The following RAI2 variants were observed in gnomAD, a reference collection of about 807,000 sequenced individuals.
The protein encoded by RAI2 is retinoic acid induced 2.
A neutral mutation model predicts 15.3 loss-of-function variants in RAI2; 5 were observed. That is an observed-to-expected ratio of 0.33 (90% CI 0.17 to 0.69). RAI2 has a LOEUF of 0.69. Among genes scored for constraint, RAI2 ranks in the 30% least tolerant of loss-of-function variants. The probability of loss-of-function intolerance (pLI) is 0.69; values close to 1 mark genes in which losing one functional copy is unlikely to be tolerated. For synonymous variants in RAI2, 191 were observed against 184.0 expected, an observed-to-expected ratio of 1.04 and a Z score of -0.31; for missense variants, 424 against 424.7, an observed-to-expected ratio of 1.00 and a Z score of 0.01.
intron 1 of RAI2, among the ~76,000 whole-genome samples, chrX:17,815,321 G>A (rs1035801174): frequency 1.4e-4 from 8 of 58,010 alleles, no homozygotes; most frequent in Admixed American, 2.6e-4. Flanking sequence ...ATGTGCACAC[G>A]TGCACACACA....
At chrX:17,848,920 C>T (rs1319603799) in intron 1 of RAI2, among the ~76,000 whole-genome samples, 1 of 112,421 alleles carries the variant, frequency 8.9e-6, no homozygotes, top group Admixed American at 9.4e-5. Context: ...CCACCCTCTT[C>T]CTCCCAAAAG....
At chrX:17,804,548 GA>G (rs2066957033) in intron 1 of RAI2, among the ~76,000 whole-genome samples, 1 of 112,158 alleles carries the variant, frequency 8.9e-6, no homozygotes, top group Non-Finnish European at 1.9e-5. Flanking sequence ...GGAAGGGTAA[GA>G]AAAGGCTGAA....
intron 1 of RAI2, among the ~76,000 whole-genome samples, chrX:17,820,699 C>T (rs190187086): frequency 9.0e-6 from 1 of 111,198 alleles, no homozygotes; most frequent in Admixed American, 9.6e-5. Context: ...GACTCGGCCT[C>T]TCTGAGCTGC....
At chrX:17,828,558 T>C (rs2147247738) in intron 1 of RAI2, among the ~76,000 whole-genome samples, 1 of 112,199 alleles carries the variant, frequency 8.9e-6, no homozygotes, top group East Asian at 2.8e-4. Flanking sequence ...CTTTGATTCC[T>C]CTAAAACATG....
intron 1 of RAI2, among the ~76,000 whole-genome samples, chrX:17,833,156 T>C (rs2067300494): frequency 8.9e-6 from 1 of 111,999 alleles, no homozygotes; most frequent in Non-Finnish European, 1.9e-5. Flanking sequence ...TGCAACAACA[T>C]GGATGAATCT....
chrX:17,846,733 T>C (rs1372671513), intron 1 of RAI2, among the ~76,000 whole-genome samples: 1 of 111,643 alleles, frequency 9.0e-6, no homozygotes, highest in Admixed American at 9.5e-5. Context: ...CTCTCCCTTC[T>C]TCTGAGTTTC....
At chrX:17,858,349 G>A (rs113923554) in intron 1 of RAI2, among the ~76,000 whole-genome samples, 62 of 112,308 alleles carry the variant, frequency 5.5e-4, no homozygotes, top group African/African-American at 1.9e-3. Context: ...CATGTGAAGT[G>A]CCTAGCAGAC....
intron 1 of RAI2, among the ~76,000 whole-genome samples, chrX:17,846,931 C>A (rs2067467378): frequency 8.9e-6 from 1 of 111,890 alleles, no homozygotes; most frequent in Admixed American, 9.4e-5. Flanking sequence ...CCATACTGTT[C>A]TCATGGTAGT....
intron 1 of RAI2, among the ~76,000 whole-genome samples, chrX:17,850,969 C>T (rs181453915): frequency 1.7e-4 from 19 of 112,784 alleles, no homozygotes; most frequent in Admixed American, 1.4e-3. Context: ...TGTGAGGGGG[C>T]AGAAATCCTG....
chrX:17,849,122 A>G (rs2067497666), intron 1 of RAI2, among the ~76,000 whole-genome samples: 1 of 112,437 alleles, frequency 8.9e-6, no homozygotes, highest in Non-Finnish European at 1.9e-5. Context: ...TCTAATGCAC[A>G]CTTGCCCTTG....
At chrX:17,857,061 C>G (rs1484555845) in intron 1 of RAI2, among the ~76,000 whole-genome samples, 1 of 111,679 alleles carries the variant, frequency 9.0e-6, no homozygotes, top group Non-Finnish European at 1.9e-5. Context: ...GATGGGCACC[C>G]GGGCAGACGA....
At chrX:17,818,819 G>A (rs1356399406) in intron 1 of RAI2, among the ~76,000 whole-genome samples, 1 of 112,637 alleles carries the variant, frequency 8.9e-6, no homozygotes, top group Non-Finnish European at 1.9e-5. Context: ...CGGAAATGTT[G>A]TCATATCTGC....
chrX:17,845,598 G>A (rs749182127), intron 1 of RAI2, among the ~76,000 whole-genome samples: 69 of 112,377 alleles, frequency 6.1e-4, no homozygotes, highest in Non-Finnish European at 1.2e-3. Context: ...ATTTACTGAG[G>A]TTTGCTTTGC....
intron 1 of RAI2, among the ~76,000 whole-genome samples, chrX:17,810,683 T>C (rs914136212): frequency 3.6e-5 from 4 of 111,508 alleles, no homozygotes; most frequent in Non-Finnish European, 7.5e-5. Flanking sequence ...CAAGGAGGAA[T>C]TGGAGGGAGG....
intron 1 of RAI2, among the ~76,000 whole-genome samples, chrX:17,826,435 GGAGCAGAGAC>G (rs946873178): frequency 6.4e-5 from 7 of 110,152 alleles, no homozygotes; most frequent in Non-Finnish European, 7.6e-5. Context: ...TGGGTCTCTA[GGAGCAGAGAC>G]CTCACCCAGC....
chrX:17,801,572 A>G lies in RAI2; in HGVS notation c.439T>C (p.Ser147Pro). 1 of 1,207,767 alleles carries G rather than the reference A, an allele frequency of 8.3e-7. No individual in the cohort carries two copies. The highest frequency in any genetic ancestry group is 1.1e-6 in the Non-Finnish European group (1 of 893,593). ...PLVLPQEAPC[S>P]SSTIHNNLFQ... The stretch of plus-strand genomic sequence containing the variant: ...AGGTTGTTGTGGATGGTACTGGAGG[A>G]GCATGGGGCCTCCTGCGGCAGGACC... The change falls in exon 2 of 2, where the codon TCC (serine) becomes CCC (proline). Residue 147 changes from serine to proline, a missense_variant. Transcript: ENST00000451717.
At chrX:17,808,772 A>G (rs1207923691) in intron 1 of RAI2, among the ~76,000 whole-genome samples, 2 of 111,514 alleles carry the variant, frequency 1.8e-5, no homozygotes, top group Admixed American at 9.5e-5. Context: ...TTCTGAGTCT[A>G]TTTTGTGCTT....
intron 1 of RAI2, among the ~76,000 whole-genome samples, chrX:17,855,461 T>C (rs1258613787): frequency 8.9e-6 from 1 of 112,199 alleles, no homozygotes; most frequent in Non-Finnish European, 1.9e-5. Flanking sequence ...GTGCCCATTC[T>C]ATTGGGTTTC....
chrX:17,838,928 C>T (rs1487701885), intron 1 of RAI2, among the ~76,000 whole-genome samples: 1 of 112,334 alleles, frequency 8.9e-6, no homozygotes, highest in Non-Finnish European at 1.9e-5. Flanking sequence ...GGATCATAAA[C>T]ACACAGAGTG....
Sources: gnomAD v4.1 joint callset for allele counts (sites outside exome capture counted in the v4.1 genomes callset) on GRCh38, gnomAD v4.1.1 for gene constraint, MANE v1.5 for transcripts, NCBI Gene and HGNC (gene_info 2026-07-23, HGNC 2026-07-21) for gene names.